The following SHISAL1 variants were observed in gnomAD, a reference collection of about 807,000 sequenced individuals.
SHISAL1 encodes the protein protein shisa-like-1.
In SHISAL1, 9 loss-of-function variants were observed where a neutral mutation model predicts 22.6. That is an observed-to-expected ratio of 0.40 (90% CI 0.24 to 0.70). The LOEUF is 0.70. Among genes scored for constraint, SHISAL1 ranks in the 30% least tolerant of loss-of-function variants. SHISAL1 has a pLI of 0.39. For missense variants in SHISAL1, 246 were observed against 270.6 expected, an observed-to-expected ratio of 0.91 and a Z score of 0.64; for synonymous variants, 119 against 115.4, an observed-to-expected ratio of 1.03 and a Z score of -0.20.
At chr22:44,300,826 G>T in intron 2 of SHISAL1, 53 bp downstream of exon 2, 2 of 1,489,866 alleles carry the variant, frequency 1.3e-6, no homozygotes, top group East Asian at 2.3e-5. Flanking sequence ...ATCTCAGGAA[G>T]AGCCCACACC....
intron 4 of SHISAL1, among the ~76,000 whole-genome samples, chr22:44,254,361 AATT>A (rs1481215859): frequency 2.0e-5 from 3 of 152,000 alleles, no homozygotes; most frequent in African/African-American, 2.4e-5. Context: ...TTAATGTTTA[AATT>A]ATTATTTTTT....
the SHISAL1 span, among the ~76,000 whole-genome samples, chr22:44,319,169 A>C: frequency 6.6e-6 from 1 of 152,254 alleles, no homozygotes; most frequent in Non-Finnish European, 1.5e-5. Context: ...AGACAGGAGG[A>C]AAAGGCCATT....
chr22:44,285,047 G>C, intron 4 of SHISAL1, among the ~76,000 whole-genome samples: 1 of 152,260 alleles, frequency 6.6e-6, no homozygotes, highest in East Asian at 1.9e-4. Flanking sequence ...TGAAAAATCT[G>C]GCTGGACAGA....
intron 2 of SHISAL1, 96 bp from the exon 3 acceptor site, chr22:44,296,981 T>C: frequency 1.1e-6 from 1 of 920,904 alleles, no homozygotes; most frequent in Non-Finnish European, 1.7e-6. Flanking sequence ...AGGTCCTGCC[T>C]GCTTCTTCCC....
intron 4 of SHISAL1, among the ~76,000 whole-genome samples, chr22:44,270,697 G>C (rs867545303): frequency 2.0e-5 from 3 of 152,088 alleles, no homozygotes; most frequent in Non-Finnish European, 2.9e-5. Flanking sequence ...AAGAAGAGCC[G>C]GACACAGACG....
At chr22:44,312,355 G>A (rs575408430) in intron 1 of SHISAL1, among the ~76,000 whole-genome samples, 34 of 152,220 alleles carry the variant, frequency 2.2e-4, no homozygotes, top group African/African-American at 7.9e-4. Flanking sequence ...CATCCTGAGA[G>A]CACTCCCTAG....
intron 4 of SHISAL1, among the ~76,000 whole-genome samples, chr22:44,262,226 C>T (rs967361999): frequency 5.3e-5 from 8 of 152,186 alleles, no homozygotes; most frequent in African/African-American, 1.4e-4. Context: ...GCACTCCAGG[C>T]GGACGGAACA....
At chr22:44,272,324 G>A (rs547894896) in intron 4 of SHISAL1, among the ~76,000 whole-genome samples, 10 of 152,192 alleles carry the variant, frequency 6.6e-5, no homozygotes, top group Admixed American at 1.3e-4. Flanking sequence ...CCCTTTGGCT[G>A]AAGACATTGA....
intron 1 of SHISAL1, among the ~76,000 whole-genome samples, chr22:44,305,542 GTGTGCAGCC>G (rs2055464426): frequency 6.6e-6 from 1 of 152,254 alleles, no homozygotes; most frequent in Non-Finnish European, 1.5e-5. Context: ...GGAAAGGACA[GTGTGCAGCC>G]TGAAGGCGGG....
chr22:44,253,383 G>A (rs1446707790), intron 4 of SHISAL1, among the ~76,000 whole-genome samples: 1 of 150,870 alleles, frequency 6.6e-6, no homozygotes, highest in African/African-American at 2.4e-5. Flanking sequence ...GAGCAAGACT[G>A]GAAATTTAGG....
intron 3 of SHISAL1, among the ~76,000 whole-genome samples, chr22:44,294,449 G>A (rs191977606): frequency 4.6e-5 from 7 of 152,114 alleles, no homozygotes; most frequent in Admixed American, 6.5e-5. Context: ...TTCAACAAAC[G>A]CCCTGTTCAA....
the SHISAL1 span, among the ~76,000 whole-genome samples, chr22:44,319,501 G>C: frequency 2.6e-5 from 4 of 152,242 alleles, no homozygotes; most frequent in Non-Finnish European, 5.9e-5. Context: ...CCCTCTCCCA[G>C]TGACAGGTGA....
At chr22:44,259,530 G>T (rs1288672590) in intron 4 of SHISAL1, among the ~76,000 whole-genome samples, 1 of 152,030 alleles carries the variant, frequency 6.6e-6, no homozygotes, top group Non-Finnish European at 1.5e-5. Flanking sequence ...GCAGGATGGG[G>T]GCTGCTTCCT....
the SHISAL1 span, among the ~76,000 whole-genome samples, chr22:44,325,486 A>C: frequency 6.6e-6 from 1 of 152,106 alleles, no homozygotes; most frequent in Non-Finnish European, 1.5e-5. Flanking sequence ...CCGTGGAGGG[A>C]GAAAGGGGCC....
In SHISAL1 at chr22:44,243,687, T is replaced by A. The variant is rs2054974202; in HGVS notation, c.*5998A>T. ...ATCTAGGGAACAGTTGACATGACACTCCTTTATTAAAACCTAGGGACATTG... is the reference window on the plus strand; with the variant it reads ...ATCTAGGGAACAGTTGACATGACACACCTTTATTAAAACCTAGGGACATTG... On this transcript the variant is annotated 3_prime_UTR_variant, in exon 5 of 5. Coordinates refer to ENST00000381176, the MANE Select transcript of SHISAL1 (RefSeq NM_001099294.2). The A allele has an allele frequency of 6.6e-6, 1 of 152,162 alleles. No homozygotes were observed. Among genetic ancestry groups the A allele is most frequent in the Non-Finnish European group, 1.5e-5 (1 of 68,042 alleles). The allele number at this position is 152,162 out of a possible 1,614,324, so 9.4% of individuals were successfully genotyped here.
At chr22:44,307,246 G>A (rs764264153) in intron 1 of SHISAL1, among the ~76,000 whole-genome samples, 2 of 152,124 alleles carry the variant, frequency 1.3e-5, no homozygotes, top group African/African-American at 2.4e-5. Context: ...GCTCACACTC[G>A]CAGAGTTCTT....
Position 44,300,613 on chromosome 22 carries a change from C to T in SHISAL1, c.67+266G>A, listed in dbSNP as rs141923017. Among the ~76,000 whole-genome samples the T allele has an allele frequency of 9.1e-4, 139 of 152,190 alleles. 2 individuals are homozygous for T. In the East Asian group the frequency reaches 0.025, roughly 27 times the overall value. ...AGAGAATGTGAGTCAGGGCTTCTCC[C>T]GAGGGTCCTGGCAGCCAGCTGAGCT... On this transcript the variant is annotated intron_variant, in intron 2 of 4. Transcript: ENST00000381176.
At chr22:44,329,852 C>T in the SHISAL1 span, among the ~76,000 whole-genome samples, 1 of 152,204 alleles carries the variant, frequency 6.6e-6, no homozygotes, top group Non-Finnish European at 1.5e-5. Flanking sequence ...TTTTGAATGA[C>T]ACTTCTCACC....
At chr22:44,308,900 C>G (rs1291584063) in intron 1 of SHISAL1, among the ~76,000 whole-genome samples, 1 of 137,646 alleles carries the variant, frequency 7.3e-6, no homozygotes, top group Non-Finnish European at 1.6e-5. Flanking sequence ...ATCCCACCTA[C>G]TCTACTGTCA....
Sources: gnomAD v4.1 joint callset for allele counts (sites outside exome capture counted in the v4.1 genomes callset) on GRCh38, gnomAD v4.1.1 for gene constraint, MANE v1.5 for transcripts, NCBI Gene and HGNC (gene_info 2026-07-23, HGNC 2026-07-21) for gene names.